PPM1G: variants seen among roughly 807,000 people sequenced by gnomAD.
PPM1G encodes protein phosphatase, Mg2+/Mn2+ dependent 1G, also known as protein phosphatase 1G.
In PPM1G, 12 loss-of-function variants were observed where a neutral mutation model predicts 59.4. The observed-to-expected ratio is 0.20, with a 90% confidence interval of 0.13 to 0.33. The LOEUF (loss-of-function observed/expected upper bound fraction) is 0.33, where lower values mean the gene tolerates loss of function less well. Among genes scored for constraint, PPM1G ranks in the 10% least tolerant of loss-of-function variants. The pLI, the probability that PPM1G is intolerant of heterozygous loss-of-function variation, is 1.00. For missense variants in PPM1G, 392 were observed against 681.3 expected (o/e 0.58, Z 4.73); for synonymous variants, 245 against 251.9 (o/e 0.97, Z 0.26).
intron 1 of PPM1G, among the ~76,000 whole-genome samples, chr2:27,402,701 G>A (rs1440252952): frequency 4.6e-5 from 7 of 151,318 alleles, no homozygotes; most frequent in Admixed American, 2.6e-4. Context: ...CCAGCTACGC[G>A]GGAGGCTGAG....
In PPM1G at chr2:27,382,304, C is replaced by G; in HGVS notation, c.1332-76G>C. ...AGAGGAGTATGGACAGAGGTGGTGG[C>G]CCAGGCCAGTGTAAATAACTACAGA... On this transcript the variant is annotated intron_variant, in intron 8 of 9. Transcript: ENST00000344034. The surrounding 1 kb of genome is among the most constrained non-coding windows in gnomAD (Gnocchi z 4.2). 1 of 1,563,546 alleles carries G rather than the reference C, an allele frequency of 6.4e-7. No homozygotes were observed. Among genetic ancestry groups the G allele is most frequent in the Non-Finnish European group, 8.8e-7 (1 of 1,135,930 alleles).
intron 1 of PPM1G, among the ~76,000 whole-genome samples, chr2:27,404,698 A>G (rs1663300339): frequency 6.6e-6 from 1 of 151,862 alleles, no homozygotes; most frequent in African/African-American, 2.4e-5. Context: ...TAATGCCAGC[A>G]CTTTGGGAGG....
At chr2:27,394,587 C>T (rs1683998048) in intron 1 of PPM1G, among the ~76,000 whole-genome samples, 1 of 151,538 alleles carries the variant, frequency 6.6e-6, no homozygotes, top group South Asian at 2.1e-4. Flanking sequence ...AAAAATTAGC[C>T]AGGAGTGGTG....
chr2:27,397,719 A>C (rs773644095), intron 1 of PPM1G, among the ~76,000 whole-genome samples: 167 of 152,312 alleles, frequency 1.1e-3, no homozygotes, highest in Non-Finnish European at 2.2e-3. Context: ...ATTTTAAAAA[A>C]TTAGCCCAGT....
intron 1 of PPM1G, among the ~76,000 whole-genome samples, chr2:27,399,718 T>TA (rs1684139824): frequency 6.6e-6 from 1 of 152,156 alleles, no homozygotes; most frequent in African/African-American, 2.4e-5. Flanking sequence ...TTAGTTATTA[T>TA]AAAAAAGGTG....
chr2:27,383,333 C>G lies in PPM1G; in HGVS notation c.1201+33G>C. 1 of 1,583,390 alleles carries G rather than the reference C, an allele frequency of 6.3e-7. No homozygotes were observed. Among genetic ancestry groups the G allele is most frequent in the South Asian group, 1.1e-5 (1 of 90,444 alleles). On this transcript the variant is annotated intron_variant, in intron 7 of 9. Transcript: ENST00000344034. This position sits in a 1 kb window ranked among gnomAD's most constrained non-coding sequence, Gnocchi z 5.0. ...GGTAGTCTGGGACAGAGAGAAAGAC[C>G]CTAGAAGTCTTTCCCAGTTTCTTGG...
intron 1 of PPM1G, among the ~76,000 whole-genome samples, chr2:27,407,911 G>A (rs914807727): frequency 1.3e-5 from 2 of 152,138 alleles, no homozygotes; most frequent in Non-Finnish European, 2.9e-5. Flanking sequence ...GCCAGGCGTG[G>A]TGGCACATGC....
Position 27,384,039 on chromosome 2 carries a change from T to C in PPM1G, c.879A>G (p.Glu293=), listed in dbSNP as rs1161421457. ...GYSSEEAENE[E]DEDDTEEAEE... ...CAGCCTCCTCGGTGTCATCCTCATCTTCCTCATTCTCTGCCTCCTCACTGC... is the reference window on the plus strand; with the variant it reads ...CAGCCTCCTCGGTGTCATCCTCATCCTCCTCATTCTCTGCCTCCTCACTGC... The change falls in exon 6 of 10, where the codon GAA becomes GAG. Residue 293 remains glutamate, a synonymous_variant. Coordinates refer to ENST00000344034, the MANE Select transcript of PPM1G (RefSeq NM_177983.3). The surrounding 1 kb of genome is among the most constrained non-coding windows in gnomAD (Gnocchi z 4.8). 6.2e-7 allele frequency: 1 copy of C among 1,611,032 alleles called. No homozygotes were observed. The highest frequency in any genetic ancestry group is 2.2e-5 in the East Asian group (1 of 44,804).
chr2:27,403,495 G>T (rs1021553210), intron 1 of PPM1G, among the ~76,000 whole-genome samples: 1 of 152,198 alleles, frequency 6.6e-6, no homozygotes, highest in African/African-American at 2.4e-5. Context: ...GCATACATGT[G>T]ATATAATTCT....
At position 27,392,281 on chromosome 2, in the gene PPM1G, G is replaced by GT. The variant is rs1365959192; in HGVS notation, c.121-5124dup. The stretch of plus-strand genomic sequence containing the variant: ...CTGGATTACTTTGTTTTGTTGGTTT[G>GT]TTTTGTTTTTTTTTTTTTTTTTTTT... On this transcript the variant is annotated intron_variant, in intron 1 of 9. Transcript: ENST00000344034. Among the ~76,000 whole-genome samples, 287 of 78,596 alleles carry GT rather than the reference G, an allele frequency of 3.7e-3. 1 individual carries two copies. The highest frequency in any genetic ancestry group is 5.3e-3 in the Non-Finnish European group (211 of 39,948). 51.6% of individuals were successfully genotyped at this position (78,596 alleles called of 152,430 possible).
In PPM1G at chr2:27,409,371, C is replaced by A; in HGVS notation, c.52G>T (p.Val18Phe). 1 of 1,541,670 alleles carries A rather than the reference C, an allele frequency of 6.5e-7. No individual in the cohort carries two copies. The highest frequency in any genetic ancestry group is 1.2e-5 in the South Asian group (1 of 83,540). The change falls in exon 1 of 10, where the codon GTC (valine) becomes TTC (phenylalanine). Residue 18 changes from valine (V) to phenylalanine (F), a missense_variant. Transcript: ENST00000344034. ...GGCAGCGGCAGGCGCGGGGCGCCGA[C>A]CCCGTCCCCGGAGCACTTCACCGTG... ...PNTVKCSGDG[V>F]GAPRLPLPYG...
intron 1 of PPM1G, among the ~76,000 whole-genome samples, chr2:27,392,286 G>GTTTGTT (rs1683924698): frequency 1.4e-5 from 1 of 70,448 alleles, no homozygotes; most frequent in African/African-American, 6.2e-5. Flanking sequence ...GGTTTGTTTT[G>GTTTGTT]TTTTTTTTTT....
At chr2:27,386,828 G>A (rs1183920949) in intron 2 of PPM1G, 2 of 284,282 alleles carry the variant, frequency 7.0e-6, no homozygotes, top group South Asian at 5.4e-5. Context: ...GACCTACCGC[G>A]TGCCCAGCCT....
At position 27,384,102 on chromosome 2, in the gene PPM1G, G is replaced by A. The variant is rs756750427; in HGVS notation, c.826-10C>T. 4.3e-6 allele frequency: 7 copies of A among 1,613,956 alleles called. No homozygotes were observed. The highest frequency in any genetic ancestry group is 1.1e-5 in the South Asian group (1 of 91,066). On this transcript the variant is annotated splice_polypyrimidine_tract_variant and intron_variant, in intron 5 of 9. Coordinates refer to ENST00000344034, the MANE Select transcript of PPM1G (RefSeq NM_177983.3). The surrounding 1 kb of genome is among the most constrained non-coding windows in gnomAD (Gnocchi z 4.8). ...CTTCCTCGCTGCATTCCTGCCAGGG[G>A]GAGGATCCCAGACTGCTGAGACTGG...
rs548005999 is a variant in PPM1G, at chr2:27,408,284, C to T, written c.120+1019G>A. ...ATTTCGCTGTTACCTGAAGCCCACC[C>T]GGTAGGTGGAGAAACCCTCAATACC... is the stretch of plus-strand genomic sequence containing the variant. On this transcript the variant is annotated intron_variant, in intron 1 of 9. Transcript: ENST00000344034. Among the ~76,000 whole-genome samples, 3 of 152,260 alleles carry T rather than the reference C, an allele frequency of 2.0e-5. No homozygotes were observed. In the South Asian group the frequency reaches 6.2e-4, roughly 32 times the overall value.
intron 1 of PPM1G, among the ~76,000 whole-genome samples, chr2:27,394,496 C>T (rs902359657): frequency 5.9e-5 from 9 of 151,734 alleles, no homozygotes; most frequent in East Asian, 2.0e-4. Context: ...TTTGGGAGGC[C>T]GAGGCAGGCG....
Position 27,384,581 on chromosome 2 carries a change from T to C in PPM1G, c.825+92A>G, listed in dbSNP as rs2148418191. On this transcript the variant is annotated intron_variant, in intron 5 of 9. Coordinates refer to ENST00000344034, the MANE Select transcript of PPM1G (RefSeq NM_177983.3). The surrounding 1 kb of genome is among the most constrained non-coding windows in gnomAD (Gnocchi z 4.8). Reference sequence around the variant, plus strand: ...TGGGTCTTGGGGGATGATGTCAAAATAGGAGAAGGAAAGAGAGTTGAAAAC... The same window carrying C: ...TGGGTCTTGGGGGATGATGTCAAAACAGGAGAAGGAAAGAGAGTTGAAAAC... 1 of 1,425,590 alleles carries C rather than the reference T, an allele frequency of 7.0e-7. No individual in the cohort carries two copies. The highest frequency in any genetic ancestry group is 9.5e-7 in the Non-Finnish European group (1 of 1,057,496). 88.3% of individuals were successfully genotyped at this position (1,425,590 alleles called of 1,614,324 possible). A position where few individuals can be genotyped will look rare whatever the true frequency, so the allele number is the denominator to read the frequency against.
intron 1 of PPM1G, among the ~76,000 whole-genome samples, chr2:27,400,197 GACC>G (rs1462939465): frequency 6.6e-6 from 1 of 152,042 alleles, no homozygotes; most frequent in Non-Finnish European, 1.5e-5. Flanking sequence ...AGGAGTTCGA[GACC>G]GCCCTGGGCA....
In PPM1G at chr2:27,381,654, T is replaced by A; in HGVS notation, c.1586A>T (p.Glu529Val). The change falls in exon 10 of 10, where the codon GAG becomes GTG. Residue 529 changes from glutamate (E) to valine (V), a missense_variant. Glu to Val is a moderately radical substitution (Grantham distance 121, BLOSUM62 -2). This residue lies in a region of PPM1G where 49 missense variants were observed against 43.4 expected (regional missense o/e 1.13). Transcript: ENST00000344034. The part of the protein sequence containing the change: ...KRKLEEVLST[E>V]GAEENGNSDK... ...GCTGTTGCCATTTTCTTCAGCCCCC[T>A]CAGTAGAGAGCACCTCCTCTAGTTT... is the stretch of plus-strand genomic sequence containing the variant. The A allele has an allele frequency of 6.2e-7, 1 of 1,613,978 alleles. No homozygotes were observed. Among genetic ancestry groups the A allele is most frequent in the Non-Finnish European group, 8.5e-7 (1 of 1,180,008 alleles).
Sources: allele counts gnomAD v4.1 joint callset (sites outside exome capture counted in the v4.1 genomes callset), GRCh38; gene constraint gnomAD v4.1.1; regional missense constraint gnomAD v4.1.1; non-coding constraint Gnocchi (gnomAD v3.1); transcripts MANE v1.5; gene names NCBI Gene and HGNC (gene_info 2026-07-23, HGNC 2026-07-21).